Variants in KCNK10 observed in about 807,000 individuals in gnomAD.
The protein encoded by KCNK10 is potassium channel subfamily K member 10.
KCNK10 carries 25 observed loss-of-function variants against 47.7 expected under a neutral mutation model. That is an observed-to-expected ratio of 0.52 (90% CI 0.38 to 0.73). KCNK10 has a LOEUF of 0.73. Among genes scored for constraint, KCNK10 ranks in the 30% least tolerant of loss-of-function variants. KCNK10 has a pLI of 0.00. For missense variants in KCNK10, 563 were observed against 714.5 expected (o/e 0.79, Z 2.42); for synonymous variants, 303 against 285.6 (o/e 1.06, Z -0.61).
chr14:88,187,913 G>C (rs1343192548), intron 6 of KCNK10, 54 bp downstream of exon 6: 2 of 1,602,178 alleles, frequency 1.2e-6, no homozygotes, highest in Non-Finnish European at 1.7e-6. Flanking sequence ...GGCAATTCTG[G>C]ACACAAGCTC....
chr14:88,300,042 A>G (rs565488501), intron 1 of KCNK10, among the ~76,000 whole-genome samples: 1 of 152,218 alleles, frequency 6.6e-6, no homozygotes, highest in Admixed American at 6.5e-5. Context: ...AGAAACCCCA[A>G]ATAGCTCCCG....
Position 88,185,880 on chromosome 14 carries a change from G to T in KCNK10, c.1287C>A (p.Arg429=), listed in dbSNP as rs780340791. The T allele has an allele frequency of 6.8e-6, 11 of 1,613,980 alleles. No homozygotes were observed. The highest frequency in any genetic ancestry group is 5.0e-5 in the Admixed American group (3 of 60,000). The stretch of plus-strand genomic sequence containing the variant: ...TGTTCAGCTGCTCCGGCCCCTTCAG[G>T]CGCAGGTTGTTGGGCCGGTTGTTGA... ...ESINNRPNNL[R]LKGPEQLNKH... Residue 429 remains arginine, a synonymous_variant, in exon 7 of 7, where the codon CGC becomes CGA. Coordinates refer to ENST00000319231, the MANE Select transcript of KCNK10 (RefSeq NM_138317.3). The surrounding 1 kb of genome is among the most constrained non-coding windows in gnomAD (Gnocchi z 4.3).
chr14:88,325,014 A>C (rs1009990656), upstream of KCNK10, among the ~76,000 whole-genome samples: 1 of 152,202 alleles, frequency 6.6e-6, no homozygotes, highest in Non-Finnish European at 1.5e-5. Flanking sequence ...CCCTTTAGGC[A>C]GGTTCCCGGG....
intron 3 of KCNK10, among the ~76,000 whole-genome samples, chr14:88,237,252 T>A (rs775231450): frequency 2.0e-5 from 3 of 152,234 alleles, no homozygotes; most frequent in Non-Finnish European, 4.4e-5. Flanking sequence ...TATCATGAGA[T>A]GCAGCATTTC....
intron 1 of KCNK10, among the ~76,000 whole-genome samples, chr14:88,275,693 C>CAAAAAAA (rs71126972): frequency 8.3e-5 from 6 of 71,970 alleles, no homozygotes; most frequent in Non-Finnish European, 1.3e-4. Flanking sequence ...GCTAAAAATA[C>CAAAAAAA]AAAAAAAAAA....
At position 88,269,995 on chromosome 14, in the gene KCNK10, C is replaced by T. The variant is rs527385000; in HGVS notation, c.53-6444G>A. 1.5e-4 allele frequency among the ~76,000 whole-genome samples: 23 copies of T among 152,300 alleles called. No homozygotes were observed. In the South Asian group the frequency reaches 3.1e-3, roughly 21 times the overall value. On this transcript the variant is annotated intron_variant, in intron 1 of 6. Coordinates refer to ENST00000319231, the MANE Select transcript of KCNK10 (RefSeq NM_138317.3). Reference sequence around the variant, plus strand: ...CTGAAATGCAGCTGCCTCAGTGCCACGGTCACACAGCAGCGTGACTCTGCT... The same window carrying T: ...CTGAAATGCAGCTGCCTCAGTGCCATGGTCACACAGCAGCGTGACTCTGCT...
chr14:88,282,466 G>T (rs1302558404), intron 1 of KCNK10, among the ~76,000 whole-genome samples: 1 of 152,148 alleles, frequency 6.6e-6, no homozygotes, highest in Non-Finnish European at 1.5e-5. Flanking sequence ...TCAATATTTG[G>T]CATTCAGGAC....
At chr14:88,236,863 C>T (rs1055867209) in intron 3 of KCNK10, among the ~76,000 whole-genome samples, 13 of 152,126 alleles carry the variant, frequency 8.5e-5, no homozygotes, top group Admixed American at 2.0e-4. Flanking sequence ...CTTTCGCTGG[C>T]GGAGGGTCTT....
At chr14:88,297,092 T>C (rs1388320226) in intron 1 of KCNK10, among the ~76,000 whole-genome samples, 1 of 152,226 alleles carries the variant, frequency 6.6e-6, no homozygotes, top group Non-Finnish European at 1.5e-5. Context: ...ATATGGCTCT[T>C]GTTCCAGTTT....
intron 4 of KCNK10, among the ~76,000 whole-genome samples, chr14:88,216,462 T>G (rs552406346): frequency 6.6e-6 from 1 of 152,270 alleles, no homozygotes; most frequent in East Asian, 1.9e-4. Flanking sequence ...ATCAAGCGAG[T>G]AGAGGCCCAG....
chr14:88,230,371 G>A (rs1886124389), intron 3 of KCNK10, among the ~76,000 whole-genome samples: 1 of 152,224 alleles, frequency 6.6e-6, no homozygotes, highest in Non-Finnish European at 1.5e-5. Flanking sequence ...AGGGGAGGCT[G>A]TAATGAACGC....
intron 1 of KCNK10, among the ~76,000 whole-genome samples, chr14:88,265,894 G>A (rs573386678): frequency 1.3e-4 from 20 of 152,284 alleles, no homozygotes; most frequent in South Asian, 6.2e-4. Flanking sequence ...ATGATTGTGA[G>A]GCCTCCCTAG....
At chr14:88,221,227 G>A (rs1885799405) in intron 4 of KCNK10, among the ~76,000 whole-genome samples, 1 of 151,554 alleles carries the variant, frequency 6.6e-6, no homozygotes, top group Non-Finnish European at 1.5e-5. Context: ...ACTTGAACCT[G>A]GGAGGCAGAG....
rs538242838 is a variant in KCNK10 at position 88,232,450 on chromosome 14, A to AC, written c.521-4916dup. Among the ~76,000 whole-genome samples, 13 of 152,304 alleles carry AC rather than the reference A, an allele frequency of 8.5e-5. No individual in the cohort carries two copies. The East Asian group carries it at 2.5e-3, about 29-fold the overall frequency. On this transcript the variant is annotated intron_variant, in intron 3 of 6. Coordinates refer to ENST00000319231, the MANE Select transcript of KCNK10 (RefSeq NM_138317.3). ...TCTGAGTTTTCTTATAAACCTTGCG[A>AC]CCACATGCAACAAATGAATTTACCA...
chr14:88,255,238 T>C (rs993969158), intron 2 of KCNK10, among the ~76,000 whole-genome samples: 10 of 152,216 alleles, frequency 6.6e-5, no homozygotes, highest in Non-Finnish European at 1.3e-4. Context: ...TCACCATTGA[T>C]GCAAGTAAGC....
At chr14:88,220,592 C>A (rs895568191) in intron 4 of KCNK10, among the ~76,000 whole-genome samples, 1 of 139,304 alleles carries the variant, frequency 7.2e-6, no homozygotes, top group Non-Finnish European at 1.5e-5. Flanking sequence ...GGAGCAAAGG[C>A]GACAACATGG....
chr14:88,237,653 C>T (rs1029105041), intron 3 of KCNK10, among the ~76,000 whole-genome samples: 2 of 152,154 alleles, frequency 1.3e-5, no homozygotes, highest in Non-Finnish European at 1.5e-5. Flanking sequence ...TCAGAGCTCT[C>T]GGGTGACTAG....
At chr14:88,223,643 G>A (rs936858388) in intron 4 of KCNK10, among the ~76,000 whole-genome samples, 3 of 152,122 alleles carry the variant, frequency 2.0e-5, no homozygotes, top group Non-Finnish European at 2.9e-5. Context: ...TATGTGATTT[G>A]ATTTGGCTAA....
intron 4 of KCNK10, among the ~76,000 whole-genome samples, chr14:88,206,465 A>G (rs1885277948): frequency 6.6e-6 from 1 of 152,236 alleles, no homozygotes; most frequent in Admixed American, 6.5e-5. Context: ...ATGTGAAGAC[A>G]CACACACAAA....
Sources: allele counts gnomAD v4.1 joint callset (sites outside exome capture counted in the v4.1 genomes callset), GRCh38; gene constraint gnomAD v4.1.1; non-coding constraint Gnocchi (gnomAD v3.1); transcripts MANE v1.5; gene names NCBI Gene and HGNC (gene_info 2026-07-23, HGNC 2026-07-21).